WDR26: variants seen among roughly 807,000 people sequenced by gnomAD.
WDR26 encodes the protein WD repeat-containing protein 26.
A neutral mutation model predicts 84.1 loss-of-function variants in WDR26; 5 were observed. That is an observed-to-expected ratio of 0.06 (90% CI 0.03 to 0.13). The LOEUF (loss-of-function observed/expected upper bound fraction) is 0.13, where lower values mean the gene tolerates loss of function less well. Ranked by LOEUF, WDR26 falls within the 10% of genes least tolerant of loss-of-function variation. The pLI, the probability that WDR26 is intolerant of heterozygous loss-of-function variation, is 1.00. For synonymous variants in WDR26, 415 were observed against 389.6 expected (o/e 1.07, Z -0.77); for missense variants, 642 against 974.9 (o/e 0.66, Z 4.55).
intron 12 of WDR26, among the ~76,000 whole-genome samples, chr1:224,396,518 A>G (rs1490723863): frequency 6.6e-6 from 1 of 152,240 alleles, no homozygotes; most frequent in Non-Finnish European, 1.5e-5. Flanking sequence ...AGACAGACAA[A>G]ACAAAACAAA....
At chr1:224,427,932 A>AT (rs1383689306) in intron 3 of WDR26, among the ~76,000 whole-genome samples, 6 of 152,198 alleles carry the variant, frequency 3.9e-5, no homozygotes, top group Admixed American at 1.3e-4. Flanking sequence ...TAATGTTTAT[A>AT]TTTTTTAAAA....
chr1:224,392,350 C>T (rs1325782677), intron 13 of WDR26, among the ~76,000 whole-genome samples: 17 of 149,818 alleles, frequency 1.1e-4, no homozygotes, highest in African/African-American at 3.7e-4. Context: ...CATGAGACTC[C>T]GTCTCAAAAA....
chr1:224,399,830 G>GGT (rs1673361227), intron 9 of WDR26, among the ~76,000 whole-genome samples: 2 of 152,126 alleles, frequency 1.3e-5, no homozygotes, highest in Admixed American at 1.3e-4. Context: ...TCTGGGGTCG[G>GGT]GTGTGGTAGC....
At chr1:224,411,958 C>T (rs1673752602) in intron 6 of WDR26, among the ~76,000 whole-genome samples, 1 of 152,028 alleles carries the variant, frequency 6.6e-6, no homozygotes, top group South Asian at 2.1e-4. Flanking sequence ...GTTATGACTG[C>T]ACCACTGCAC....
chr1:224,394,397 A>T (rs1673203561), intron 12 of WDR26, among the ~76,000 whole-genome samples: 1 of 152,236 alleles, frequency 6.6e-6, no homozygotes, highest in Non-Finnish European at 1.5e-5. Flanking sequence ...AAAAATGAAG[A>T]TGACAGCTAA....
rs558183228 is a variant in WDR26 at position 224,432,740 on chromosome 1, C to G, written c.722+944G>C. Among the ~76,000 whole-genome samples the G allele has an allele frequency of 1.1e-4, 17 of 152,338 alleles. No individual in the cohort carries two copies. The South Asian group carries it at 3.5e-3, about 32-fold the overall frequency. ...CTAGCCTGAGAGCTTAATCTACACTCTGAATGTAGGAAACTGACTGCTGCT... is the reference window on the plus strand; with the variant it reads ...CTAGCCTGAGAGCTTAATCTACACTGTGAATGTAGGAAACTGACTGCTGCT... On this transcript the variant is annotated intron_variant, in intron 1 of 13. Coordinates refer to ENST00000414423, the MANE Select transcript of WDR26 (RefSeq NM_001379403.1).
chr1:224,417,239 T>A (rs752969335), intron 6 of WDR26, among the ~76,000 whole-genome samples: 3 of 152,252 alleles, frequency 2.0e-5, no homozygotes, highest in Non-Finnish European at 4.4e-5. Context: ...TATGTTTTTG[T>A]CCTTATTTAT....
chr1:224,433,120 A>T (rs1431565160), intron 1 of WDR26, among the ~76,000 whole-genome samples: 1 of 152,154 alleles, frequency 6.6e-6, no homozygotes, highest in East Asian at 1.9e-4. Flanking sequence ...AGATTTATTC[A>T]ACAACCTCTT....
intron 4 of WDR26, among the ~76,000 whole-genome samples, chr1:224,421,377 G>A (rs1483845758): frequency 3.3e-5 from 5 of 152,150 alleles, no homozygotes; most frequent in South Asian, 4.1e-4. Context: ...CTGAGGTCAG[G>A]AGTCCGAGAC....
intron 6 of WDR26, among the ~76,000 whole-genome samples, chr1:224,416,381 C>T (rs951475619): frequency 1.3e-5 from 2 of 152,048 alleles, no homozygotes; most frequent in African/African-American, 4.8e-5. Flanking sequence ...GCGCCTGCCA[C>T]CACGCCCGGC....
At chr1:224,401,671 C>CAAAAAAAAAAAAAAAAAGAAAAAAAAAAA (rs1673417301) in intron 8 of WDR26, among the ~76,000 whole-genome samples, 41 of 49,654 alleles carry the variant, frequency 8.3e-4, no homozygotes, top group Middle Eastern at 0.018. Context: ...GAGACTGTCT[C>CAAAAAAAAAAAAAAAAAGAAAAAAAAAAA]AAAAAAAAAA....
In WDR26 at chr1:224,398,882, T is replaced by C; in HGVS notation, c.1865+7A>G. ...ATTGTTGTTTAATGGAAACAAAAAA[T>C]AGTTACATGTTCCTATCTGTAAGGT... On this transcript the variant is annotated splice_region_variant and intron_variant, in intron 10 of 13. Coordinates refer to ENST00000414423, the MANE Select transcript of WDR26 (RefSeq NM_001379403.1). 6.2e-7 allele frequency: 1 copy of C among 1,613,404 alleles called. No homozygotes were observed. Among genetic ancestry groups the C allele is most frequent in the South Asian group, 1.1e-5 (1 of 90,954 alleles).
At chr1:224,423,243 C>T (rs1674116010) in intron 4 of WDR26, among the ~76,000 whole-genome samples, 1 of 152,046 alleles carries the variant, frequency 6.6e-6, no homozygotes, top group South Asian at 2.1e-4. Context: ...TTTTTCTTGC[C>T]TAATTTCCTT....
intron 9 of WDR26, 95 bp from the exon 10 acceptor site, chr1:224,399,129 A>T: frequency 8.0e-7 from 1 of 1,252,812 alleles, no homozygotes; most frequent in Non-Finnish European, 1.1e-6. Flanking sequence ...ATCTTTTAGT[A>T]ACAGGTTTTT....
At position 224,386,851 on chromosome 1, in the gene WDR26, T is replaced by C. The variant is rs1021116737; in HGVS notation, c.*2984A>G. 2.0e-5 allele frequency: 3 copies of C among 152,186 alleles called. No homozygotes were observed. Among genetic ancestry groups the C allele is most frequent in the Non-Finnish European group, 2.9e-5 (2 of 68,018 alleles). 9.4% of individuals were successfully genotyped at this position (152,186 alleles called of 1,614,324 possible). On this transcript the variant is annotated 3_prime_UTR_variant, in exon 14 of 14. Transcript: ENST00000414423. ...CCAATAAGAGCAACAGAAATGTAGC[T>C]GTTATGAAGACTAAAAAAATACAAA...
At chr1:224,401,671 C>CAAAAAAAAAAAAAAAAAAAAAA (rs767368281) in intron 8 of WDR26, among the ~76,000 whole-genome samples, 9 of 49,634 alleles carry the variant, frequency 1.8e-4, no homozygotes, top group Non-Finnish European at 2.5e-4. Flanking sequence ...GAGACTGTCT[C>CAAAAAAAAAAAAAAAAAAAAAA]AAAAAAAAAA....
intron 12 of WDR26, among the ~76,000 whole-genome samples, chr1:224,396,328 A>T (rs1406168170): frequency 6.6e-6 from 1 of 152,188 alleles, no homozygotes; most frequent in African/African-American, 2.4e-5. Context: ...AAGAGCTGTA[A>T]GGGATTCTCA....
chr1:224,426,002 C>G (rs1016857362), intron 3 of WDR26, among the ~76,000 whole-genome samples: 1 of 152,034 alleles, frequency 6.6e-6, no homozygotes, highest in African/African-American at 2.4e-5. Flanking sequence ...GGATTACAGG[C>G]ACCCGCCACC....
Position 224,434,031 on chromosome 1 carries a change from GCCCCCGCCGCCCCCTCCTCCTCCA to G in WDR26, c.351_374del (p.Gly118_Gly125del). ...AGGCGAGTTCCGGGGTCTGTCCCTG[GCCCCCGCCGCCCCCTCCTCCTCCA>G]CCGCCGCCGCCGCCACCTCCTCCTC... On this transcript the variant is annotated inframe_deletion, in exon 1 of 14. Transcript: ENST00000414423. The G allele has an allele frequency of 1.4e-6, 2 of 1,466,256 alleles. No individual in the cohort carries two copies. Among genetic ancestry groups the G allele is most frequent in the Non-Finnish European group, 1.8e-6 (2 of 1,113,324 alleles). 90.8% of individuals were successfully genotyped at this position (1,466,256 alleles called of 1,614,324 possible).
Sources: allele counts gnomAD v4.1 joint callset (sites outside exome capture counted in the v4.1 genomes callset), GRCh38; gene constraint gnomAD v4.1.1; transcripts MANE v1.5; gene names NCBI Gene and HGNC (gene_info 2026-07-23, HGNC 2026-07-21).